The following STK35 variants were observed in gnomAD, a reference collection of about 807,000 sequenced individuals.
The protein encoded by STK35 is serine/threonine-protein kinase 35.
In STK35, 17 loss-of-function variants were observed where a neutral mutation model predicts 37.3. The ratio of observed to expected loss-of-function variants is 0.46; its 90% CI spans 0.31 to 0.68. STK35 has a LOEUF of 0.68. STK35 is among the 30% of genes least tolerant of loss of function. The probability of loss-of-function intolerance (pLI) is 0.05; values close to 1 mark genes in which losing one functional copy is unlikely to be tolerated. For synonymous variants in STK35, 385 were observed against 319.1 expected (o/e 1.21, Z -2.20); for missense variants, 595 against 746.7 (o/e 0.80, Z 2.37).
At chr20:2,103,408 C>A in intron 2 of STK35, 43 bp downstream of exon 2, 1 of 1,560,710 alleles carries the variant, frequency 6.4e-7, no homozygotes, top group South Asian at 1.2e-5. Flanking sequence ...GGGCCTGGAC[C>A]CCCTGCTCTC....
At chr20:2,142,818 C>T (rs912727888) in intron 3 of STK35, among the ~76,000 whole-genome samples, 4 of 152,150 alleles carry the variant, frequency 2.6e-5, no homozygotes, top group African/African-American at 7.2e-5. Flanking sequence ...CTAGATGGCC[C>T]GCCCTGCCCA....
At chr20:2,121,206 T>C (rs550457957) in intron 3 of STK35, among the ~76,000 whole-genome samples, 5 of 152,310 alleles carry the variant, frequency 3.3e-5, no homozygotes, top group Admixed American at 6.5e-5. Context: ...CTGTGTGATA[T>C]CTGCTCTTTT....
At position 2,102,129 on chromosome 20, in the gene STK35, C is replaced by T. The variant is rs763151117; in HGVS notation, c.248C>T (p.Ala83Val). The T allele has an allele frequency of 4.9e-5, 69 of 1,406,382 alleles. No individual in the cohort carries two copies. The highest frequency in any genetic ancestry group is 4.9e-4 in the South Asian group (34 of 69,402). The allele number at this position is 1,406,382 out of a possible 1,614,324, so 87.1% of individuals were successfully genotyped here. ...GGAGCGGACCATCCCCAGGCAGGGG[C>T]TCCAGGGGGGAAACGGGCCGCCCGG... is the stretch of plus-strand genomic sequence containing the variant. Reference protein sequence around the residue: ...GPGADHPQAGAPGGKRAARKW... With the variant: ...GPGADHPQAGVPGGKRAARKW... Residue 83 changes from alanine (A) to valine (V), a missense_variant, in exon 1 of 4, where the codon GCT becomes GTT. Physicochemically the swap from Ala to Val is moderately conservative, Grantham distance 64 (BLOSUM62 0). Coordinates refer to ENST00000381482, the MANE Select transcript of STK35 (RefSeq NM_080836.4).
At chr20:2,132,005 C>G (rs773240639) in intron 3 of STK35, among the ~76,000 whole-genome samples, 49 of 152,178 alleles carry the variant, frequency 3.2e-4, no homozygotes, top group African/African-American at 1.1e-3. Flanking sequence ...CCTATGCAGG[C>G]TCAGCGTCAG....
chr20:2,103,464 C>T, intron 2 of STK35, 99 bp downstream of exon 2: 1 of 1,170,014 alleles, frequency 8.5e-7, no homozygotes, highest in South Asian at 1.5e-5. Flanking sequence ...AGGCCTCAGA[C>T]CTGGTCCCTG....
chr20:2,145,787 G>T lies in STK35; in HGVS notation c.*2041G>T, dbSNP rs190118092. ...CCCGCCACCCTGCCTTTCCTTGGGG[G>T]CAGCTGTCTCTCTGTACATGAGCAA... On this transcript the variant is annotated 3_prime_UTR_variant, in exon 4 of 4. Transcript: ENST00000381482. 116 of 152,254 alleles carry T rather than the reference G, an allele frequency of 7.6e-4. No homozygotes were observed. In the Middle Eastern group the frequency reaches 0.01, roughly 13 times the overall value. The allele number at this position is 152,254 out of a possible 1,614,324, so 9.4% of individuals were successfully genotyped here. A position where few individuals can be genotyped will look rare whatever the true frequency, so the allele number is the denominator to read the frequency against.
intron 2 of STK35, among the ~76,000 whole-genome samples, chr20:2,105,215 C>T (rs1417974371): frequency 1.3e-5 from 2 of 151,624 alleles, no homozygotes; most frequent in African/African-American, 2.4e-5. Context: ...ATTCTAGGAG[C>T]GCATCACTTA....
chr20:2,127,446 A>T (rs1176766689), intron 3 of STK35, among the ~76,000 whole-genome samples: 1 of 151,780 alleles, frequency 6.6e-6, no homozygotes, highest in Non-Finnish European at 1.5e-5. Context: ...ACAAGTAAAG[A>T]CTCTGTTGTT....
At chr20:2,105,174 A>T (rs1985490601) in intron 2 of STK35, among the ~76,000 whole-genome samples, 1 of 147,244 alleles carries the variant, frequency 6.8e-6, no homozygotes, top group South Asian at 2.1e-4. Flanking sequence ...AAAAAAAAAG[A>T]CTCCCTAGGG....
chr20:2,135,632 G>GC (rs1986073975), intron 3 of STK35, among the ~76,000 whole-genome samples: 1 of 152,214 alleles, frequency 6.6e-6, no homozygotes, highest in Admixed American at 6.5e-5. Flanking sequence ...GGAGGCCAAG[G>GC]CAGGAGGATC....
At position 2,110,146 on chromosome 20, in the gene STK35, G is replaced by A. The variant is rs115803777; in HGVS notation, c.893-6520G>A. Among the ~76,000 whole-genome samples the A allele has an allele frequency of 8.7e-3, 1,319 of 152,328 alleles. 20 individuals carry two copies. Among genetic ancestry groups the A allele is most frequent in the African/African-American group, 0.03 (1,230 of 41,576 alleles). On this transcript the variant is annotated intron_variant, in intron 2 of 3. Transcript: ENST00000381482. ...TGGGAAGATGTGCCAGGATGGGTCC[G>A]TGTCTTTAGCTTCTTAGGACAGATC...
chr20:2,102,427 G>A (rs1010853331), intron 1 of STK35, among the ~76,000 whole-genome samples: 1 of 152,164 alleles, frequency 6.6e-6, no homozygotes, highest in South Asian at 2.1e-4. Flanking sequence ...GTCACAGAGG[G>A]GGCCAAGCAA....
intron 3 of STK35, among the ~76,000 whole-genome samples, chr20:2,122,297 A>G (rs1985832706): frequency 6.6e-6 from 1 of 152,148 alleles, no homozygotes; most frequent in South Asian, 2.1e-4. Flanking sequence ...ACACCACTGC[A>G]CTCCAGCCTG....
chr20:2,107,843 G>C (rs923559110), intron 2 of STK35, among the ~76,000 whole-genome samples: 5 of 152,218 alleles, frequency 3.3e-5, no homozygotes, highest in African/African-American at 1.2e-4. Context: ...TCAAGAGGCA[G>C]AGAGCTGGCT....
rs989024265 is a variant in STK35, at chr20:2,129,196, T to C, written c.*37+11781T>C. On this transcript the variant is annotated intron_variant, in intron 3 of 3. Transcript: ENST00000381482. ...GTTTTTCTGTTCCACAGACATGTATTGAGCACCCGCTGTGAGCCAGGTTTG... is the reference window on the plus strand; with the variant it reads ...GTTTTTCTGTTCCACAGACATGTATCGAGCACCCGCTGTGAGCCAGGTTTG... 1.3e-5 allele frequency among the ~76,000 whole-genome samples: 2 copies of C among 152,172 alleles called. 1 individual carries two copies. Among genetic ancestry groups the C allele is most frequent in the Non-Finnish European group, 2.9e-5 (2 of 68,016 alleles).
chr20:2,102,080 C>A lies in STK35; in HGVS notation c.199C>A (p.Arg67=), dbSNP rs896147663. 5 of 1,516,134 alleles carry A rather than the reference C, an allele frequency of 3.3e-6. No individual in the cohort carries two copies. The highest frequency in any genetic ancestry group is 2.4e-5 in the South Asian group (2 of 82,634). 93.9% of individuals were successfully genotyped at this position (1,516,134 alleles called of 1,614,324 possible). ...TCGGGCCGCCACCTCCCGCGCTGCT[C>A]GGTCCCGGAGGCAGCCCGGGCCCGG... is the stretch of plus-strand genomic sequence containing the variant. The part of the protein sequence containing the change: ...RARAATSRAA[R]SRRQPGPGAD... The change falls in exon 1 of 4, where the codon CGG becomes AGG. Residue 67 remains arginine, a synonymous_variant. Coordinates refer to ENST00000381482, the MANE Select transcript of STK35 (RefSeq NM_080836.4).
intron 3 of STK35, among the ~76,000 whole-genome samples, chr20:2,139,832 T>C (rs1986144161): frequency 6.6e-6 from 1 of 152,092 alleles, no homozygotes; most frequent in Non-Finnish European, 1.5e-5. Flanking sequence ...TGGGGTGCAC[T>C]GAGAGAACTT....
At chr20:2,124,393 A>G (rs1985869102) in intron 3 of STK35, among the ~76,000 whole-genome samples, 1 of 152,194 alleles carries the variant, frequency 6.6e-6, no homozygotes, top group Admixed American at 6.5e-5. Flanking sequence ...TGCACCCCAG[A>G]AGCTGATCCC....
chr20:2,106,640 T>C (rs755181533), intron 2 of STK35, among the ~76,000 whole-genome samples: 1 of 152,214 alleles, frequency 6.6e-6, no homozygotes, highest in Non-Finnish European at 1.5e-5. Flanking sequence ...TGCCTAGGAC[T>C]GTGGATAGGC....
Sources: allele counts gnomAD v4.1 joint callset (sites outside exome capture counted in the v4.1 genomes callset), GRCh38; gene constraint gnomAD v4.1.1; transcripts MANE v1.5; gene names NCBI Gene and HGNC (gene_info 2026-07-23, HGNC 2026-07-21).